Variants in ADARB2 observed in about 807,000 individuals in gnomAD.
The protein encoded by ADARB2 is inactive double-stranded RNA-specific editase B2.
ADARB2 carries 25 observed loss-of-function variants against 62.2 expected under a neutral mutation model. The observed-to-expected ratio is 0.40, with a 90% confidence interval of 0.29 to 0.56. The LOEUF is 0.56. ADARB2 is among the 20% of genes least tolerant of loss of function. The pLI is 0.43. For missense variants in ADARB2, 1,071 were observed against 1,077.4 expected (o/e 0.99, Z 0.08); for synonymous variants, 572 against 500.8 (o/e 1.14, Z -1.90).
intron 1 of ADARB2, among the ~76,000 whole-genome samples, chr10:1,654,018 TG>T (rs1834146076): frequency 6.6e-6 from 1 of 151,944 alleles, no homozygotes; most frequent in South Asian, 2.1e-4. Context: ...TCCTGGGGGC[TG>T]GCTCTGTGGA....
chr10:1,427,849 A>G (rs1222683294), intron 1 of ADARB2, among the ~76,000 whole-genome samples: 1 of 152,270 alleles, frequency 6.6e-6, no homozygotes, highest in East Asian at 1.9e-4. Context: ...TCAGTGGTGA[A>G]TGGTTAAACA....
chr10:1,662,305 C>T (rs1380738413), intron 1 of ADARB2, among the ~76,000 whole-genome samples: 5 of 152,110 alleles, frequency 3.3e-5, no homozygotes, highest in Admixed American at 6.5e-5. Context: ...CCAGGCTGGC[C>T]CCAGCGGAGA....
At chr10:1,594,177 C>T (rs1426517387) in intron 1 of ADARB2, among the ~76,000 whole-genome samples, 2 of 152,132 alleles carry the variant, frequency 1.3e-5, no homozygotes, top group Non-Finnish European at 2.9e-5. Context: ...GTAATCCCAG[C>T]TACTCGGGAG....
intron 1 of ADARB2, among the ~76,000 whole-genome samples, chr10:1,706,262 C>T (rs1037087418): frequency 6.6e-6 from 1 of 152,234 alleles, no homozygotes; most frequent in Non-Finnish European, 1.5e-5. Context: ...CCATACTTAT[C>T]GACATGGCTG....
At chr10:1,233,178 G>A (rs1339870832) in intron 6 of ADARB2, among the ~76,000 whole-genome samples, 8 of 152,184 alleles carry the variant, frequency 5.3e-5, no homozygotes, top group Admixed American at 4.6e-4. Flanking sequence ...CAGGGGCTGC[G>A]TGGATGCGTT....
chr10:1,246,148 G>C (rs1830984455), intron 4 of ADARB2, among the ~76,000 whole-genome samples: 1 of 152,024 alleles, frequency 6.6e-6, no homozygotes, highest in African/African-American at 2.4e-5. Flanking sequence ...TTTGAGAAGT[G>C]TCTGTTCATA....
intron 1 of ADARB2, among the ~76,000 whole-genome samples, chr10:1,415,496 C>T (rs199904718): frequency 9.9e-5 from 15 of 151,808 alleles, no homozygotes; most frequent in African/African-American, 2.2e-4. Context: ...ATGAGTTGGC[C>T]AGATAAACAC....
At chr10:1,581,215 T>C (rs902481956) in intron 1 of ADARB2, among the ~76,000 whole-genome samples, 1 of 152,232 alleles carries the variant, frequency 6.6e-6, no homozygotes, top group Non-Finnish European at 1.5e-5. Context: ...TCAAACGATG[T>C]TCAAGGTGCG....
intron 3 of ADARB2, among the ~76,000 whole-genome samples, chr10:1,359,522 C>T (rs568090429): frequency 7.2e-5 from 11 of 152,302 alleles, no homozygotes; most frequent in Non-Finnish European, 1.3e-4. Context: ...TTTCAAAATT[C>T]GGATGACACA....
intron 4 of ADARB2, among the ~76,000 whole-genome samples, chr10:1,247,236 C>T (rs1485305828): frequency 2.2e-4 from 34 of 152,164 alleles, no homozygotes; most frequent in African/African-American, 8.2e-4. Context: ...TGGGCTGAGA[C>T]AATGGGGTTT....
intron 1 of ADARB2, among the ~76,000 whole-genome samples, chr10:1,393,485 G>T (rs1199703139): frequency 6.6e-6 from 1 of 152,076 alleles, no homozygotes; most frequent in Non-Finnish European, 1.5e-5. Flanking sequence ...TTGTGGGTAC[G>T]CATTAGCCAT....
chr10:1,645,158 A>C (rs1834023981), intron 1 of ADARB2, among the ~76,000 whole-genome samples: 1 of 152,238 alleles, frequency 6.6e-6, no homozygotes, highest in East Asian at 1.9e-4. Context: ...GTGGGATGAC[A>C]CAGGGACCAA....
chr10:1,602,725 C>G (rs947754767), intron 1 of ADARB2, among the ~76,000 whole-genome samples: 2 of 146,484 alleles, frequency 1.4e-5, no homozygotes, highest in African/African-American at 5.0e-5. Flanking sequence ...TGCACACACA[C>G]CTGTACATAC....
At chr10:1,478,733 GGA>G (rs1831432483) in intron 1 of ADARB2, among the ~76,000 whole-genome samples, 1 of 148,936 alleles carries the variant, frequency 6.7e-6, no homozygotes, top group African/African-American at 2.5e-5. Flanking sequence ...CCCTCGGACG[GGA>G]GAGCGCCAAA....
At chr10:1,413,465 A>G (rs1832775874) in intron 1 of ADARB2, among the ~76,000 whole-genome samples, 1 of 152,202 alleles carries the variant, frequency 6.6e-6, no homozygotes, top group Admixed American at 6.5e-5. Context: ...GACCCAGCCA[A>G]TGTCAGCAAT....
At chr10:1,722,747 T>C (rs1276589119) in intron 1 of ADARB2, among the ~76,000 whole-genome samples, 1 of 152,236 alleles carries the variant, frequency 6.6e-6, no homozygotes, top group Non-Finnish European at 1.5e-5. Flanking sequence ...TTAATAATTA[T>C]TTTGGAATTC....
intron 1 of ADARB2, among the ~76,000 whole-genome samples, chr10:1,494,746 A>T (rs1239805562): frequency 6.6e-6 from 1 of 152,186 alleles, no homozygotes; most frequent in Non-Finnish European, 1.5e-5. Flanking sequence ...TACAAAATTC[A>T]GGTGGAGCCA....
At chr10:1,376,485 C>T (rs1424439015) in intron 2 of ADARB2, among the ~76,000 whole-genome samples, 2 of 152,232 alleles carry the variant, frequency 1.3e-5, no homozygotes, top group Non-Finnish European at 2.9e-5. Context: ...GCCCTCTCCT[C>T]TCCTCACTGC....
chr10:1,529,544 T>C (rs1482236655), intron 1 of ADARB2, among the ~76,000 whole-genome samples: 1 of 152,178 alleles, frequency 6.6e-6, no homozygotes, highest in Non-Finnish European at 1.5e-5. Flanking sequence ...ACTCTTCCGA[T>C]GCAACGTCAC....
Sources: allele counts gnomAD v4.1 joint callset (sites outside exome capture counted in the v4.1 genomes callset), GRCh38; gene constraint gnomAD v4.1.1; transcripts MANE v1.5; gene names NCBI Gene and HGNC (gene_info 2026-07-23, HGNC 2026-07-21).